The following SPATS1 variants were observed in gnomAD, a reference collection of about 807,000 sequenced individuals.
SPATS1 encodes the protein spermatogenesis-associated serine-rich protein 1.
Under a neutral mutation model 33.6 loss-of-function variants are expected in SPATS1, and 23 were observed. The observed-to-expected ratio is 0.68, with a 90% CI of 0.49 to 0.97. The LOEUF (loss-of-function observed/expected upper bound fraction) is 0.97, where lower values mean the gene tolerates loss of function less well. Ranked by LOEUF, SPATS1 falls within the 50% of genes least tolerant of loss-of-function variation. SPATS1 has a pLI of 0.00. For missense variants in SPATS1, 327 were observed against 361.0 expected, an observed-to-expected ratio of 0.91 and a Z score of 0.76; for synonymous variants, 131 against 125.6, an observed-to-expected ratio of 1.04 and a Z score of -0.29.
chr6:44,362,382 A>G (rs1044494980), intron 5 of SPATS1, among the ~76,000 whole-genome samples: 3 of 152,234 alleles, frequency 2.0e-5, no homozygotes, highest in Non-Finnish European at 4.4e-5. Flanking sequence ...AAAACATCCC[A>G]TAAACCTCAG....
rs1471126410 is a variant in SPATS1 at position 44,379,973 on chromosome 6, T to G, written c.*2910T>G. ...CACCTCAATAGCTGTCAGGTAGAGT[T>G]CCACTGCCAACTTTGGACAGCATGA... On this transcript the variant is annotated 3_prime_UTR_variant, in exon 9 of 9. Transcript: ENST00000674044. Among the ~76,000 whole-genome samples the G allele has an allele frequency of 6.6e-6, 1 of 151,996 alleles. No individual in the cohort carries two copies. Among genetic ancestry groups the G allele is most frequent in the Non-Finnish European group, 1.5e-5 (1 of 68,016 alleles).
In SPATS1 at chr6:44,368,506, G is replaced by A; in HGVS notation, c.695+7G>A. ...CACCAGTGAATTTTTCAATGTAAGT[G>A]TATGTTAATACTAGCATTATATAGT... On this transcript the variant is annotated splice_region_variant and intron_variant, in intron 6 of 8. Coordinates refer to ENST00000674044, the MANE Select transcript of SPATS1 (RefSeq NM_001372081.1). 6.2e-7 allele frequency: 1 copy of A among 1,609,682 alleles called. No homozygotes were observed. Among genetic ancestry groups the A allele is most frequent in the African/African-American group, 1.3e-5 (1 of 74,998 alleles).
At chr6:44,347,216 G>A (rs112196831) in intron 2 of SPATS1, among the ~76,000 whole-genome samples, 6,186 of 152,174 alleles carry the variant, frequency 0.041, 298 homozygotes, top group African/African-American at 0.11. Context: ...ACACACTGGG[G>A]CCTGTCGTGG....
At chr6:44,370,235 G>C (rs1197347134) in intron 7 of SPATS1, 122 bp downstream of exon 7, 18 of 830,974 alleles carry the variant, frequency 2.2e-5, no homozygotes, top group South Asian at 3.3e-5. Context: ...AATCCCAGCA[G>C]GAGGGTGGGG....
chr6:44,351,159 A>G (rs1788219630), intron 2 of SPATS1, among the ~76,000 whole-genome samples: 1 of 151,796 alleles, frequency 6.6e-6, no homozygotes, highest in African/African-American at 2.4e-5. Context: ...AAAGAAAAGA[A>G]AACAACAATA....
At chr6:44,350,152 GA>G (rs1788148893) in intron 2 of SPATS1, among the ~76,000 whole-genome samples, 1 of 152,162 alleles carries the variant, frequency 6.6e-6, no homozygotes. Flanking sequence ...AGAATCACCT[GA>G]GGTGCTTCTT....
intron 7 of SPATS1, among the ~76,000 whole-genome samples, chr6:44,372,840 T>A (rs556760428): frequency 1.3e-5 from 2 of 152,338 alleles, no homozygotes; most frequent in East Asian, 3.9e-4. Flanking sequence ...AGGCTTGTTT[T>A]CAAGCTTTGT....
At chr6:44,366,125 ATATTT>A (rs979073074) in intron 5 of SPATS1, among the ~76,000 whole-genome samples, 2 of 29,740 alleles carry the variant, frequency 6.7e-5, no homozygotes, top group Non-Finnish European at 5.4e-4. Context: ...ATATATATAT[ATATTT>A]TTTTTTTTTT....
At chr6:44,375,404 A>T (rs1380660751) in intron 7 of SPATS1, among the ~76,000 whole-genome samples, 3 of 152,162 alleles carry the variant, frequency 2.0e-5, no homozygotes, top group Non-Finnish European at 2.9e-5. Context: ...GCACTGCCAG[A>T]ATTGGGGTGC....
In SPATS1 at chr6:44,370,075, TAC is replaced by T. The variant is rs1789510290; in HGVS notation, c.722_723del (p.Thr241IlefsTer5). 1 of 1,612,484 alleles carries T rather than the reference TAC, an allele frequency of 6.2e-7. No individual in the cohort carries two copies. The highest frequency in any genetic ancestry group is 1.1e-5 in the South Asian group (1 of 90,958). ...SIVPYEKKFD[T>X]FIPLEPLPQI... is the part of the protein sequence containing the mutation. ...GAGTGCCTTATGAAAAGAAATTTGA[TAC>T]ATTTATTCCACTTGAGCCTCTTCCA... On this transcript the variant is annotated frameshift_variant, in exon 7 of 9. Coordinates refer to ENST00000674044, the MANE Select transcript of SPATS1 (RefSeq NM_001372081.1). LOFTEE classifies it high-confidence loss of function.
At chr6:44,344,283 T>C (rs1200499841) in intron 2 of SPATS1, among the ~76,000 whole-genome samples, 1 of 152,096 alleles carries the variant, frequency 6.6e-6, no homozygotes, top group Non-Finnish European at 1.5e-5. Context: ...ATGGTGTCCT[T>C]TCCTGCTGTG....
At chr6:44,372,057 C>T (rs1789655930) in intron 7 of SPATS1, among the ~76,000 whole-genome samples, 1 of 151,596 alleles carries the variant, frequency 6.6e-6, no homozygotes, top group African/African-American at 2.4e-5. Flanking sequence ...AGATCAAGAC[C>T]ATCCTGGCCA....
At chr6:44,377,002 A>G in intron 8 of SPATS1, 33 bp from the exon 9 acceptor site, 1 of 1,614,012 alleles carries the variant, frequency 6.2e-7, no homozygotes, top group Non-Finnish European at 8.5e-7. Flanking sequence ...TTGTAATGGA[A>G]GAAAACCTGT....
At chr6:44,355,701 T>C (rs1788550345) in intron 3 of SPATS1, among the ~76,000 whole-genome samples, 1 of 152,230 alleles carries the variant, frequency 6.6e-6, no homozygotes, top group South Asian at 2.1e-4. Context: ...CAAGTGATTC[T>C]TTATATCACA....
chr6:44,343,486 A>G (rs1376585042), intron 2 of SPATS1: 2 of 584,164 alleles, frequency 3.4e-6, no homozygotes, highest in East Asian at 3.8e-5. Context: ...GAAGTATATT[A>G]CCTATGAGTA....
intron 2 of SPATS1, among the ~76,000 whole-genome samples, chr6:44,348,585 G>A (rs1320216614): frequency 6.6e-6 from 1 of 152,132 alleles, no homozygotes; most frequent in African/African-American, 2.4e-5. Context: ...ATGTTACCAG[G>A]TCTGTGGGCC....
rs1051360990 is a variant in SPATS1 at position 44,362,908 on chromosome 6, G to A, written c.574+916G>A. ...GGCTGGAGTGCAATGGCGCGATCTTGGCTCACAGCAACCTCCGCCTCCCGG... is the reference window on the plus strand; with the variant it reads ...GGCTGGAGTGCAATGGCGCGATCTTAGCTCACAGCAACCTCCGCCTCCCGG... On this transcript the variant is annotated intron_variant, in intron 5 of 8. Transcript: ENST00000674044. Among the ~76,000 whole-genome samples, 4 of 151,564 alleles carry A rather than the reference G, an allele frequency of 2.6e-5. No individual in the cohort carries two copies. The South Asian group carries it at 8.3e-4, about 32-fold the overall frequency.
At chr6:44,349,932 T>C (rs1788135009) in intron 2 of SPATS1, among the ~76,000 whole-genome samples, 1 of 152,208 alleles carries the variant, frequency 6.6e-6, no homozygotes, top group Admixed American at 6.5e-5. Flanking sequence ...TGTTGATACT[T>C]GTTTTGTGGC....
chr6:44,359,187 C>T (rs1171210684), intron 3 of SPATS1, among the ~76,000 whole-genome samples: 1 of 152,124 alleles, frequency 6.6e-6, no homozygotes, highest in Non-Finnish European at 1.5e-5. Flanking sequence ...TCTCAAACAC[C>T]TGGGCTTAAG....
Sources: allele counts gnomAD v4.1 joint callset (sites outside exome capture counted in the v4.1 genomes callset), GRCh38; gene constraint gnomAD v4.1.1; transcripts MANE v1.5; gene names NCBI Gene and HGNC (gene_info 2026-07-23, HGNC 2026-07-21).